Variants in PTPRN2 observed in about 807,000 individuals in gnomAD.
PTPRN2 encodes the protein receptor-type tyrosine-protein phosphatase N2.
In PTPRN2, 74 loss-of-function variants were observed where a neutral mutation model predicts 118.8. The ratio of observed to expected loss-of-function variants is 0.62; its 90% CI spans 0.52 to 0.76. PTPRN2 has a LOEUF of 0.76. Among genes scored for constraint, PTPRN2 ranks in the 30% least tolerant of loss-of-function variants. PTPRN2 has a pLI of 0.00. For synonymous variants in PTPRN2, 641 were observed against 608.0 expected (o/e 1.05, Z -0.80); for missense variants, 1,481 against 1,394.4 (o/e 1.06, Z -0.99).
chr7:157,954,292 C>T (rs143893169), intron 11 of PTPRN2, among the ~76,000 whole-genome samples: 35 of 124,576 alleles, frequency 2.8e-4, no homozygotes, highest in African/African-American at 1.1e-3. Flanking sequence ...GCATGTGTGT[C>T]TATGTGGGTG....
At chr7:157,966,536 A>G (rs1054066994) in intron 11 of PTPRN2, among the ~76,000 whole-genome samples, 1 of 151,866 alleles carries the variant, frequency 6.6e-6, no homozygotes, top group Admixed American at 6.6e-5. Flanking sequence ...CATCATCTTC[A>G]TTATCACCAT....
At chr7:157,918,611 C>T (rs1585015252) in intron 11 of PTPRN2, among the ~76,000 whole-genome samples, 1 of 152,302 alleles carries the variant, frequency 6.6e-6, no homozygotes, top group African/African-American at 2.4e-5. Flanking sequence ...CCGGGAAAAT[C>T]TATCAGACAT....
intron 12 of PTPRN2, among the ~76,000 whole-genome samples, chr7:157,887,543 T>TC (rs1201670065): frequency 4.3e-4 from 10 of 23,030 alleles, no homozygotes; most frequent in South Asian, 2.0e-3. Flanking sequence ...CAGTACCCGC[T>TC]CCCCCAGTAC....
At chr7:158,184,623 C>T (rs1199313607) in intron 5 of PTPRN2, among the ~76,000 whole-genome samples, 1 of 152,082 alleles carries the variant, frequency 6.6e-6, no homozygotes, top group African/African-American at 2.4e-5. Context: ...ACCAGCCTGG[C>T]CAACATGGTG....
intron 2 of PTPRN2, among the ~76,000 whole-genome samples, chr7:158,350,745 C>A (rs1586423105): frequency 6.6e-6 from 1 of 152,124 alleles, no homozygotes; most frequent in South Asian, 2.1e-4. Flanking sequence ...CCGGCCAGGC[C>A]AGTGCCTCGC....
intron 5 of PTPRN2, among the ~76,000 whole-genome samples, chr7:158,183,182 A>C (rs1346031051): frequency 6.6e-6 from 1 of 152,102 alleles, no homozygotes; most frequent in African/African-American, 2.4e-5. Context: ...ATGCATCTTT[A>C]TGTGTTAGGT....
At chr7:157,819,969 C>T (rs1270237004) in intron 12 of PTPRN2, among the ~76,000 whole-genome samples, 2 of 151,220 alleles carry the variant, frequency 1.3e-5, no homozygotes, top group South Asian at 2.1e-4. Context: ...GACCCAAACA[C>T]GTTCACACGC....
chr7:157,792,895 A>T (rs1804607208), intron 12 of PTPRN2, among the ~76,000 whole-genome samples: 1 of 152,174 alleles, frequency 6.6e-6, no homozygotes, highest in South Asian at 2.1e-4. Flanking sequence ...TCAAAGCATG[A>T]CCGGGCGGAT....
intron 2 of PTPRN2, among the ~76,000 whole-genome samples, chr7:158,331,663 G>GAGGTGACACCTGCAGACGTCACTCACA (rs1804479157): frequency 9.1e-6 from 1 of 110,148 alleles, no homozygotes; most frequent in African/African-American, 3.7e-5. Flanking sequence ...CGTCACTCAC[G>GAGGTGACACCTGCAGACGTCACTCACA]CCGACACTCT....
chr7:158,117,334 A>C (rs1264021424), intron 9 of PTPRN2, among the ~76,000 whole-genome samples: 4 of 152,198 alleles, frequency 2.6e-5, no homozygotes, highest in African/African-American at 9.6e-5. Context: ...GAATCAGTGA[A>C]CTTGAAGATA....
At chr7:157,765,149 T>C (rs896775765) in intron 12 of PTPRN2, among the ~76,000 whole-genome samples, 2 of 149,534 alleles carry the variant, frequency 1.3e-5, no homozygotes, top group African/African-American at 4.9e-5. Context: ...CCTTCATCCA[T>C]CCATCCATCC....
chr7:158,273,462 A>G (rs1308419576), intron 3 of PTPRN2, among the ~76,000 whole-genome samples: 168 of 128,586 alleles, frequency 1.3e-3, no homozygotes, highest in African/African-American at 4.6e-3. Flanking sequence ...CCGCAGACGC[A>G]GGGGGAGCCG....
At chr7:158,395,298 T>TGAGGGGCGAGGGGC (rs1563239747) in intron 2 of PTPRN2, among the ~76,000 whole-genome samples, 84 of 19,320 alleles carry the variant, frequency 4.3e-3, no homozygotes, top group African/African-American at 0.014. Context: ...GGGTGAGGGG[T>TGAGGGGCGAGGGGC]GAGGGGCGAG....
chr7:157,647,139 G>C (rs1318286755), intron 14 of PTPRN2, among the ~76,000 whole-genome samples: 3 of 90,918 alleles, frequency 3.3e-5, no homozygotes, highest in Non-Finnish European at 6.6e-5. Flanking sequence ...TGGTGGGTCG[G>C]ACCCATTCAC....
intron 16 of PTPRN2, among the ~76,000 whole-genome samples, chr7:157,602,337 C>T (rs944208993): frequency 6.6e-6 from 1 of 152,260 alleles, no homozygotes; most frequent in Non-Finnish European, 1.5e-5. Flanking sequence ...CGTGCTTTAT[C>T]CCACAGGTGT....
At chr7:157,922,065 AG>A (rs1460849161) in intron 11 of PTPRN2, among the ~76,000 whole-genome samples, 2 of 152,238 alleles carry the variant, frequency 1.3e-5, no homozygotes, top group Non-Finnish European at 2.9e-5. Context: ...AAAGGTTAAA[AG>A]TTGCTTGTTT....
chr7:158,384,352 A>T lies in PTPRN2; in HGVS notation c.164-67420T>A, dbSNP rs539701766. Among the ~76,000 whole-genome samples, 5 of 152,296 alleles carry T rather than the reference A, an allele frequency of 3.3e-5. 1 individual carries two copies. Among genetic ancestry groups the T allele is most frequent in the African/African-American group, 1.2e-4 (5 of 41,570 alleles). On this transcript the variant is annotated intron_variant, in intron 2 of 22. Transcript: ENST00000389418. ...ACAACACAGGGCAGAAGCAGCCGGG[A>T]TGTGGGGACCGCGGGCTGTAAACTA...
At chr7:158,138,980 C>A (rs369982462) in intron 6 of PTPRN2, among the ~76,000 whole-genome samples, 1 of 140,582 alleles carries the variant, frequency 7.1e-6, no homozygotes, top group Admixed American at 6.7e-5. Context: ...CCCAGCACAC[C>A]CTGCCCAGCA....
chr7:158,582,796 C>CAAA (rs1156687117), intron 1 of PTPRN2, among the ~76,000 whole-genome samples: 89 of 44,190 alleles, frequency 2.0e-3, no homozygotes, highest in South Asian at 3.4e-3. Flanking sequence ...GACTCCATCT[C>CAAA]AAAAAAAAAA....
Sources: allele counts gnomAD v4.1 joint callset (sites outside exome capture counted in the v4.1 genomes callset), GRCh38; gene constraint gnomAD v4.1.1; transcripts MANE v1.5; gene names NCBI Gene and HGNC (gene_info 2026-07-23, HGNC 2026-07-21).